Variants in AFG3L2 observed in about 807,000 individuals in gnomAD.
AFG3L2 encodes AFG3 like matrix AAA peptidase subunit 2, also known as mitochondrial inner membrane m-AAA protease component AFG3L2.
Under a neutral mutation model 94.5 loss-of-function variants are expected in AFG3L2, and 54 were observed. That is an observed-to-expected ratio of 0.57 (90% CI 0.46 to 0.72). The LOEUF is 0.72. Ranked by LOEUF, AFG3L2 falls within the 30% of genes least tolerant of loss-of-function variation. AFG3L2 has a pLI of 0.00. For synonymous variants in AFG3L2, 377 were observed against 365.5 expected (o/e 1.03, Z -0.36); for missense variants, 754 against 994.9 (o/e 0.76, Z 3.26).
At position 12,351,358 on chromosome 18, in the gene AFG3L2, G is replaced by A; in HGVS notation, c.1374C>T (p.Ile458=). The A allele has an allele frequency of 6.2e-7, 1 of 1,614,112 alleles. No individual in the cohort carries two copies. ...VILAGTNRPD[I]LDPALLRPGR... ...CCGGCCTAAGCAGCGCGGGGTCCAGGATATCTGGTCGATTGGTGCCGGCCA... is the reference window on the plus strand; with the variant it reads ...CCGGCCTAAGCAGCGCGGGGTCCAGAATATCTGGTCGATTGGTGCCGGCCA... The change falls in exon 11 of 17, where the codon ATC becomes ATT. Residue 458 remains isoleucine, a synonymous_variant. Coordinates refer to ENST00000269143, the MANE Select transcript of AFG3L2 (RefSeq NM_006796.3).
At chr18:12,366,322 A>G (rs191710151) in intron 5 of AFG3L2, among the ~76,000 whole-genome samples, 3 of 152,370 alleles carry the variant, frequency 2.0e-5, no homozygotes, top group African/African-American at 7.2e-5. Context: ...CTTACAATCA[A>G]TAGCATCTTA....
intron 6 of AFG3L2, 66 bp downstream of exon 6, chr18:12,363,716 C>T (rs555498970): frequency 1.5e-6 from 2 of 1,347,080 alleles, no homozygotes; most frequent in South Asian, 1.2e-5. Flanking sequence ...GCAGGTTTTC[C>T]TTTCAGCTTT....
intron 6 of AFG3L2, among the ~76,000 whole-genome samples, chr18:12,361,532 C>T (rs1386604843): frequency 6.6e-6 from 1 of 152,114 alleles, no homozygotes; most frequent in Non-Finnish European, 1.5e-5. Flanking sequence ...CCAGCAATCC[C>T]AGCTACTTGG....
intron 9 of AFG3L2, 108 bp downstream of exon 9, chr18:12,356,586 G>A: frequency 6.6e-7 from 1 of 1,510,006 alleles, no homozygotes; most frequent in Admixed American, 1.7e-5. Flanking sequence ...ACTGGTGAGA[G>A]GTCACTCTAG....
intron 6 of AFG3L2, 37 bp downstream of exon 6, chr18:12,363,745 T>C: frequency 6.5e-7 from 1 of 1,537,594 alleles, no homozygotes; most frequent in Non-Finnish European, 9.0e-7. Flanking sequence ...AAAAGTTAAT[T>C]TACAACTAAT....
At chr18:12,333,063 ATC>A (rs1457997380) in intron 16 of AFG3L2, among the ~76,000 whole-genome samples, 14 of 13,826 alleles carry the variant, frequency 1.0e-3, no homozygotes, top group South Asian at 3.4e-3. Flanking sequence ...ATAGATTATA[ATC>A]TATTATATAA....
At position 12,377,159 on chromosome 18, in the gene AFG3L2, G is replaced by C; in HGVS notation, c.-77C>G. The C allele has an allele frequency of 8.6e-7, 1 of 1,161,630 alleles. No homozygotes were observed. Among genetic ancestry groups the C allele is most frequent in the Non-Finnish European group, 1.2e-6 (1 of 860,752 alleles). 72.0% of individuals were successfully genotyped at this position (1,161,630 alleles called of 1,614,324 possible). A position where few individuals can be genotyped will look rare whatever the true frequency, so the allele number is the denominator to read the frequency against. ...CGACGACTGGCGGCCTCGGGAAGCG[G>C]GCTCGGCTCGGGGAAAGGCCGCCAG... On this transcript the variant is annotated 5_prime_UTR_variant, in exon 1 of 17. Transcript: ENST00000269143.
At chr18:12,334,598 T>C (rs980381213) in intron 16 of AFG3L2, among the ~76,000 whole-genome samples, 4 of 152,154 alleles carry the variant, frequency 2.6e-5, no homozygotes, top group Non-Finnish European at 5.9e-5. Context: ...TTGGAGTCAT[T>C]CTTGGGCTTT....
chr18:12,345,055 A>G (rs1025573645), intron 13 of AFG3L2, among the ~76,000 whole-genome samples: 14 of 152,170 alleles, frequency 9.2e-5, no homozygotes, highest in Non-Finnish European at 1.6e-4. Flanking sequence ...GGCAGAAGAG[A>G]GTCTGAGAAA....
rs755893615 is a variant in AFG3L2 at position 12,356,822 on chromosome 18, G to A, written c.1036C>T (p.Leu346Phe). 2 of 1,614,114 alleles carry A rather than the reference G, an allele frequency of 1.2e-6. No homozygotes were observed. The highest frequency in any genetic ancestry group is 1.7e-6 in the Non-Finnish European group (2 of 1,180,038). Residue 346 changes from leucine to phenylalanine, a missense_variant, in exon 9 of 17, where the codon CTC (leucine) becomes TTC (phenylalanine). By Grantham distance (22) the Leu-to-Phe change is conservative. This residue lies in a region of AFG3L2 where 109 missense variants were observed against 227.1 expected (regional missense o/e 0.48). Transcript: ENST00000269143. ...LGAKIPKGAI[L>F]TGPPGTGKTL... ...TTCCCAGTGCCTGGAGGACCAGTGAGAATGGCACCCTTCAGATATGAAAAA... is the reference window on the plus strand; with the variant it reads ...TTCCCAGTGCCTGGAGGACCAGTGAAAATGGCACCCTTCAGATATGAAAAA...
At chr18:12,346,903 CAAAAAA>C (rs35013811) in intron 13 of AFG3L2, among the ~76,000 whole-genome samples, 2 of 36,850 alleles carry the variant, frequency 5.4e-5, no homozygotes, top group South Asian at 1.6e-3. Flanking sequence ...GACTCCATCT[CAAAAAA>C]AAAAAAAAAA....
chr18:12,351,942 G>A (rs1568139536), intron 10 of AFG3L2, among the ~76,000 whole-genome samples: 1 of 152,128 alleles, frequency 6.6e-6, no homozygotes, highest in South Asian at 2.1e-4. Context: ...AGTTTTACGA[G>A]TAAATTTCCT....
At position 12,340,192 on chromosome 18, in the gene AFG3L2, T is replaced by G. The variant is rs1555670847; in HGVS notation, c.1980+9A>C. On this transcript the variant is annotated intron_variant, in intron 15 of 16. Coordinates refer to ENST00000269143, the MANE Select transcript of AFG3L2 (RefSeq NM_006796.3). ...CATGAGGAGGAAATGCACTCTTTCA[T>G]ATACTCACTTGGGCATATGCACTCT... 1 of 1,609,524 alleles carries G rather than the reference T, an allele frequency of 6.2e-7. No individual in the cohort carries two copies. The highest frequency in any genetic ancestry group is 1.1e-5 in the South Asian group (1 of 90,968).
At chr18:12,348,169 T>A (rs775116973) in intron 13 of AFG3L2, 104 bp downstream of exon 13, 2 of 959,808 alleles carry the variant, frequency 2.1e-6, no homozygotes, top group Non-Finnish European at 3.3e-6. Context: ...CAGGGCTGAG[T>A]GGATACACTT....
At chr18:12,334,740 G>A (rs1023973174) in intron 16 of AFG3L2, among the ~76,000 whole-genome samples, 75 of 152,274 alleles carry the variant, frequency 4.9e-4, no homozygotes, top group African/African-American at 1.7e-3. Flanking sequence ...GGTCTGGTCT[G>A]TGTTCCTGTT....
chr18:12,372,566 G>T (rs1909025193), intron 1 of AFG3L2, among the ~76,000 whole-genome samples: 1 of 152,136 alleles, frequency 6.6e-6, no homozygotes, highest in African/African-American at 2.4e-5. Context: ...GAAAACACAT[G>T]TCCACGAAAA....
intron 5 of AFG3L2, among the ~76,000 whole-genome samples, chr18:12,365,849 C>T (rs1204483895): frequency 4.0e-5 from 6 of 149,590 alleles, no homozygotes; most frequent in African/African-American, 9.9e-5. Flanking sequence ...ATTCTGGTGT[C>T]TATCACTACA....
At position 12,377,203 on chromosome 18, in the gene AFG3L2, G is replaced by T. The variant is rs1414781738; in HGVS notation, c.-121C>A. The T allele has an allele frequency of 2.7e-6, 2 of 742,402 alleles. No homozygotes were observed. Among genetic ancestry groups the T allele is most frequent in the Admixed American group, 5.6e-5 (2 of 35,954 alleles). 46.0% of individuals were successfully genotyped at this position (742,402 alleles called of 1,614,324 possible). On this transcript the variant is annotated 5_prime_UTR_variant, in exon 1 of 17. Transcript: ENST00000269143. ...CCGCCAGGCAGCGAAGCGCGCCGGC[G>T]GCTCACGGAGGAGCCCAAGCTCTCA...
At chr18:12,371,244 G>A (rs770169883) in intron 2 of AFG3L2, among the ~76,000 whole-genome samples, 1 of 151,596 alleles carries the variant, frequency 6.6e-6, no homozygotes, top group Non-Finnish European at 1.5e-5. Flanking sequence ...AACCCAGAAG[G>A]CGGAGGTTGC....
Sources: allele counts gnomAD v4.1 joint callset (sites outside exome capture counted in the v4.1 genomes callset), GRCh38; gene constraint gnomAD v4.1.1; regional missense constraint gnomAD v4.1.1; transcripts MANE v1.5; gene names NCBI Gene and HGNC (gene_info 2026-07-23, HGNC 2026-07-21).